FMN2: variants seen among roughly 807,000 people sequenced by gnomAD.
The protein encoded by FMN2 is formin 2.
A neutral mutation model predicts 142.3 loss-of-function variants in FMN2; 51 were observed. That is an observed-to-expected ratio of 0.36 (90% confidence interval 0.29 to 0.45). The LOEUF is 0.45. Among genes scored for constraint, FMN2 ranks in the 20% least tolerant of loss-of-function variants. The pLI, the probability that FMN2 is intolerant of heterozygous loss-of-function variation, is 1.00. For missense variants in FMN2, 1,936 were observed against 2,122.8 expected, an observed-to-expected ratio of 0.91 and a Z score of 1.73; for synonymous variants, 882 against 869.8, an observed-to-expected ratio of 1.01 and a Z score of -0.25.
intron 3 of FMN2, 25 bp downstream of exon 3, chr1:240,178,093 G>A: frequency 6.5e-7 from 1 of 1,548,944 alleles, no homozygotes; most frequent in Middle Eastern, 1.7e-4. Context: ...TGTCTTCAGA[G>A]ATAACTGGAA....
At chr1:240,445,535 G>T (rs181517588) in intron 16 of FMN2, among the ~76,000 whole-genome samples, 1 of 152,120 alleles carries the variant, frequency 6.6e-6, no homozygotes, top group Non-Finnish European at 1.5e-5. Flanking sequence ...CGGGTAGATG[G>T]TAAGGATGTT....
chr1:240,307,393 T>G (rs955354668), intron 8 of FMN2, among the ~76,000 whole-genome samples: 10 of 152,196 alleles, frequency 6.6e-5, no homozygotes, highest in Non-Finnish European at 1.5e-4. Context: ...ACTTTTAAGT[T>G]TTTAATGCAT....
intron 8 of FMN2, among the ~76,000 whole-genome samples, chr1:240,297,594 C>CAAAAAAA (rs57504077): frequency 4.5e-5 from 4 of 88,782 alleles, no homozygotes; most frequent in Non-Finnish European, 6.9e-5. Flanking sequence ...GACTCCATCT[C>CAAAAAAA]AAAAAAAAAA....
intron 7 of FMN2, among the ~76,000 whole-genome samples, chr1:240,278,928 G>A (rs1295259631): frequency 6.6e-6 from 1 of 152,132 alleles, no homozygotes; most frequent in Admixed American, 6.6e-5. Context: ...GTAGGTGTGG[G>A]ACTATGGAGA....
At chr1:240,387,732 A>C (rs1223490411) in intron 14 of FMN2, among the ~76,000 whole-genome samples, 1 of 152,192 alleles carries the variant, frequency 6.6e-6, no homozygotes, top group Non-Finnish European at 1.5e-5. Context: ...ATTAACAAGG[A>C]AATATGTGAG....
intron 6 of FMN2, among the ~76,000 whole-genome samples, chr1:240,255,933 C>T (rs912458158): frequency 5.3e-5 from 8 of 151,984 alleles, no homozygotes; most frequent in Non-Finnish European, 8.8e-5. Context: ...CTCTAGGATA[C>T]GCAAATATTT....
intron 8 of FMN2, among the ~76,000 whole-genome samples, chr1:240,321,742 TAC>T (rs1670979765): frequency 6.6e-6 from 1 of 152,202 alleles, no homozygotes; most frequent in South Asian, 2.1e-4. Context: ...CAAAAGCAGA[TAC>T]AGATTCCAGC....
chr1:240,218,560 T>TC (rs1216564995), intron 6 of FMN2, among the ~76,000 whole-genome samples: 2 of 85,892 alleles, frequency 2.3e-5, no homozygotes, highest in African/African-American at 1.1e-4. Flanking sequence ...CCATCTCATC[T>TC]CTAAAAAAAA....
Position 240,187,070 on chromosome 1 carries a change from G to T in FMN2, c.1931-1137G>T, listed in dbSNP as rs1414034535. Reference sequence around the variant, plus strand: ...TCACGAGGTCAGGAGTTCGAGACCAGCCTGGCCAACATGGTGAAACCCCGT... The same window carrying T: ...TCACGAGGTCAGGAGTTCGAGACCATCCTGGCCAACATGGTGAAACCCCGT... On this transcript the variant is annotated intron_variant, in intron 3 of 17. Transcript: ENST00000319653. Among the ~76,000 whole-genome samples, 51 of 148,268 alleles carry T rather than the reference G, an allele frequency of 3.4e-4. 1 individual carries two copies. The highest frequency in any genetic ancestry group is 1.2e-3 in the African/African-American group (50 of 40,246).
intron 8 of FMN2, among the ~76,000 whole-genome samples, chr1:240,308,130 A>G (rs2102983042): frequency 1.3e-5 from 2 of 152,352 alleles, no homozygotes; most frequent in East Asian, 3.9e-4. Context: ...CATTTGAACT[A>G]GGAATTGCGG....
At chr1:240,184,108 C>T (rs1369556703) in intron 3 of FMN2, among the ~76,000 whole-genome samples, 3 of 151,756 alleles carry the variant, frequency 2.0e-5, no homozygotes, top group Admixed American at 1.3e-4. Context: ...TGTTTTGTTT[C>T]GTGAGTGAAA....
chr1:240,220,002 A>G (rs1295632349), intron 6 of FMN2, among the ~76,000 whole-genome samples: 1 of 152,122 alleles, frequency 6.6e-6, no homozygotes, highest in Non-Finnish European at 1.5e-5. Context: ...AGTTTTTGTT[A>G]ATTTATGAAT....
chr1:240,304,564 C>T (rs1488516107), intron 8 of FMN2, among the ~76,000 whole-genome samples: 1 of 152,206 alleles, frequency 6.6e-6, no homozygotes, highest in African/African-American at 2.4e-5. Flanking sequence ...TAAAAGGAAT[C>T]ATGGAAAAAA....
intron 8 of FMN2, among the ~76,000 whole-genome samples, chr1:240,327,741 A>T (rs1297214356): frequency 6.6e-6 from 1 of 152,166 alleles, no homozygotes; most frequent in Non-Finnish European, 1.5e-5. Flanking sequence ...AATGTACAGG[A>T]TCTTCTCTCA....
chr1:240,228,074 C>A (rs1038197831), intron 6 of FMN2, among the ~76,000 whole-genome samples: 15 of 151,688 alleles, frequency 9.9e-5, no homozygotes, highest in Admixed American at 9.9e-4. Context: ...GAGGCCGAGG[C>A]GGGTGGATCA....
At chr1:240,247,786 C>G (rs1668129293) in intron 6 of FMN2, among the ~76,000 whole-genome samples, 1 of 152,040 alleles carries the variant, frequency 6.6e-6, no homozygotes, top group African/African-American at 2.4e-5. Flanking sequence ...GTGATGAGGC[C>G]TGAGAACTTG....
chr1:240,329,289 C>T (rs1016989299), intron 9 of FMN2, 50 bp from the exon 10 acceptor site: 46 of 1,594,390 alleles, frequency 2.9e-5, no homozygotes, highest in Non-Finnish European at 3.9e-5. Flanking sequence ...GGATAAACAT[C>T]TGTTTATGTG....
intron 2 of FMN2, among the ~76,000 whole-genome samples, chr1:240,148,215 C>G (rs1192249971): frequency 1.7e-5 from 2 of 118,834 alleles, no homozygotes; most frequent in Non-Finnish European, 3.7e-5. Flanking sequence ...GAGAGAGAGA[C>G]AGAGACAGAG....
intron 5 of FMN2, among the ~76,000 whole-genome samples, chr1:240,210,726 A>G (rs538293362): frequency 2.1e-4 from 32 of 152,312 alleles, no homozygotes; most frequent in African/African-American, 7.5e-4. Context: ...TAACCCATGA[A>G]TAATCTGCAA....
Sources: allele counts gnomAD v4.1 joint callset (sites outside exome capture counted in the v4.1 genomes callset), GRCh38; gene constraint gnomAD v4.1.1; transcripts MANE v1.5; gene names NCBI Gene and HGNC (gene_info 2026-07-23, HGNC 2026-07-21).